Variants in NEO1 observed in about 807,000 individuals in gnomAD.
The protein encoded by NEO1 is neogenin 1.
In NEO1, 63 loss-of-function variants were observed where a neutral mutation model predicts 159.7. The ratio of observed to expected loss-of-function variants is 0.39; its 90% CI spans 0.32 to 0.49. The LOEUF is 0.49. Ranked by LOEUF, NEO1 falls within the 20% of genes least tolerant of loss-of-function variation. The pLI is 0.85. For missense variants in NEO1, 1,615 were observed against 1,831.0 expected (o/e 0.88, Z 2.15); for synonymous variants, 633 against 662.0 (o/e 0.96, Z 0.67).
intron 7 of NEO1, among the ~76,000 whole-genome samples, chr15:73,219,199 G>A (rs551412487): frequency 6.6e-6 from 1 of 152,180 alleles, no homozygotes; most frequent in Admixed American, 6.5e-5. Context: ...TCATTCAAGA[G>A]CAGGTTGTTC....
chr15:73,064,246 T>G (rs1387404663), intron 1 of NEO1, among the ~76,000 whole-genome samples: 1 of 152,204 alleles, frequency 6.6e-6, no homozygotes, highest in East Asian at 1.9e-4. Context: ...GGGATTGCAG[T>G]GTGATGAGAT....
rs760492951 is a variant in NEO1, at chr15:73,122,604, T to C, written c.528T>C (p.Asn176=). The change falls in exon 3 of 29, where the codon AAT becomes AAC. Residue 176 remains asparagine, a synonymous_variant. Transcript: ENST00000261908. ...GNNAILNCEV[N]ADLVPFVRWE... ...ATGCAATTCTGAATTGTGAAGTTAA[T>C]GCAGATTTGGTCCCATTTGTGAGGT... 1.2e-6 allele frequency: 2 copies of C among 1,614,234 alleles called. No individual in the cohort carries two copies. The highest frequency in any genetic ancestry group is 8.5e-7 in the Non-Finnish European group (1 of 1,180,032).
At chr15:73,119,996 T>C (rs1243329273) in intron 2 of NEO1, among the ~76,000 whole-genome samples, 1 of 151,908 alleles carries the variant, frequency 6.6e-6, no homozygotes, top group Non-Finnish European at 1.5e-5. Flanking sequence ...AATTAGCCAG[T>C]ATGGTGGTGC....
chr15:73,244,980 A>AAAAAAAAC (rs2039704277), intron 9 of NEO1, among the ~76,000 whole-genome samples: 1 of 148,288 alleles, frequency 6.7e-6, no homozygotes, highest in Non-Finnish European at 1.5e-5. Flanking sequence ...AAAAAAAAAA[A>AAAAAAAAC]AAACAACAGC....
chr15:73,298,742 T>G (rs1298643986), intron 27 of NEO1, 131 bp downstream of exon 27: 7 of 1,302,898 alleles, frequency 5.4e-6, no homozygotes, highest in African/African-American at 2.9e-5. Context: ...TTAGCAATTC[T>G]GTTAGCGTAG....
At position 73,194,934 on chromosome 15, in the gene NEO1, A is replaced by G. The variant is rs8028005; in HGVS notation, c.1291+16507A>G. 8.6e-3 allele frequency among the ~76,000 whole-genome samples: 1,309 copies of G among 152,320 alleles called. 23 individuals carry two copies. The highest frequency in any genetic ancestry group is 0.03 in the African/African-American group (1,237 of 41,576). On this transcript the variant is annotated intron_variant, in intron 7 of 28. Coordinates refer to ENST00000261908, the MANE Select transcript of NEO1 (RefSeq NM_002499.4). The stretch of plus-strand genomic sequence containing the variant: ...GGTTTGTCTCCATTAATTTTGAGTT[A>G]TGCTATAATGAATGCTGTTTTTAGA...
chr15:73,225,112 G>T (rs1388609804), intron 7 of NEO1, among the ~76,000 whole-genome samples: 3 of 152,156 alleles, frequency 2.0e-5, no homozygotes, highest in African/African-American at 7.2e-5. Context: ...TCCAGCTCCA[G>T]GCTGGTACTG....
chr15:73,113,422 G>A (rs1241558515), intron 1 of NEO1, among the ~76,000 whole-genome samples: 2 of 152,110 alleles, frequency 1.3e-5, no homozygotes, highest in Admixed American at 6.5e-5. Flanking sequence ...AATGAAAACT[G>A]TACAAAGATA....
intron 7 of NEO1, among the ~76,000 whole-genome samples, chr15:73,182,886 A>G (rs1170013692): frequency 6.6e-6 from 1 of 152,198 alleles, no homozygotes; most frequent in African/African-American, 2.4e-5. Flanking sequence ...CCCTCCCCAC[A>G]CAACCCCCTC....
At chr15:73,262,782 T>C (rs1596517425) in intron 15 of NEO1, among the ~76,000 whole-genome samples, 1 of 152,336 alleles carries the variant, frequency 6.6e-6, no homozygotes, top group East Asian at 1.9e-4. Context: ...TTATATACAA[T>C]GTTCATAGTA....
chr15:73,077,898 G>C (rs1179282607), intron 1 of NEO1, among the ~76,000 whole-genome samples: 2 of 152,186 alleles, frequency 1.3e-5, no homozygotes, highest in African/African-American at 4.8e-5. Flanking sequence ...GATCTTGAAG[G>C]CTGGGTACAT....
intron 1 of NEO1, among the ~76,000 whole-genome samples, chr15:73,062,053 G>A (rs1212052584): frequency 1.3e-5 from 2 of 152,164 alleles, no homozygotes; most frequent in Non-Finnish European, 2.9e-5. Context: ...TGTGGGTGTG[G>A]AATTGTAGGG....
At chr15:73,164,020 T>TTA (rs1017289281) in intron 5 of NEO1, among the ~76,000 whole-genome samples, 248 of 18,514 alleles carry the variant, frequency 0.013, 2 homozygotes, top group South Asian at 0.11. Flanking sequence ...CTTTTTCTTA[T>TTA]TTTTTTTTTT....
At chr15:73,057,283 T>C (rs1370779412) in intron 1 of NEO1, among the ~76,000 whole-genome samples, 1 of 152,200 alleles carries the variant, frequency 6.6e-6, no homozygotes, top group African/African-American at 2.4e-5. Flanking sequence ...ATTGCTGGTT[T>C]CTTCCTTATG....
At chr15:73,067,124 T>C (rs73438057) in intron 1 of NEO1, among the ~76,000 whole-genome samples, 1 of 152,366 alleles carries the variant, frequency 6.6e-6, no homozygotes, top group African/African-American at 2.4e-5. Context: ...TGCTGTTTGG[T>C]GTCCCATTTG....
intron 1 of NEO1, among the ~76,000 whole-genome samples, chr15:73,074,491 TA>T (rs376271175): frequency 9.2e-5 from 14 of 152,332 alleles, no homozygotes; most frequent in African/African-American, 2.9e-4. Flanking sequence ...TTCTTTTTCT[TA>T]TGCTTTATTT....
intron 16 of NEO1, 38 bp downstream of exon 16, chr15:73,266,449 C>A: frequency 6.6e-7 from 1 of 1,509,464 alleles, no homozygotes; most frequent in South Asian, 1.2e-5. Flanking sequence ...CAGCACTTTT[C>A]CTAGCAGCTT....
chr15:73,162,002 C>G (rs769354284), intron 5 of NEO1: 7 of 228,904 alleles, frequency 3.1e-5, no homozygotes, highest in Non-Finnish European at 5.4e-5. Flanking sequence ...GATTCTTGAT[C>G]TTGGTGTTGA....
In NEO1 at chr15:73,126,570, GGTAA is replaced by G; in HGVS notation, c.878+3_878+6del. On this transcript the variant is annotated splice_donor_variant and splice_donor_region_variant and intron_variant, in intron 4 of 28. Transcript: ENST00000261908. LOFTEE classifies it high-confidence loss of function. ...AATGAGGAGGCACTTGACACAGAAA[GGTAA>G]GTGTTGTCTGCCTAAAAGCCTTCTT... 1 of 1,611,726 alleles carries G rather than the reference GGTAA, an allele frequency of 6.2e-7. No individual in the cohort carries two copies. Among genetic ancestry groups the G allele is most frequent in the Non-Finnish European group, 8.5e-7 (1 of 1,179,150 alleles).
Sources: gnomAD v4.1 joint callset for allele counts (sites outside exome capture counted in the v4.1 genomes callset) on GRCh38, gnomAD v4.1.1 for gene constraint, MANE v1.5 for transcripts, NCBI Gene and HGNC (gene_info 2026-07-23, HGNC 2026-07-21) for gene names.